CYB561D1: variants seen among roughly 807,000 people sequenced by gnomAD.
CYB561D1 encodes cytochrome b561 family member D1.
CYB561D1 carries 15 observed loss-of-function variants against 19.2 expected under a neutral mutation model. That is an observed-to-expected ratio of 0.78 (90% CI 0.52 to 1.20). CYB561D1 has a LOEUF of 1.20. Ranked by LOEUF, CYB561D1 falls within the 50% of genes most tolerant of loss-of-function variation. The pLI is 0.00. For synonymous variants in CYB561D1, 133 were observed against 120.6 expected (o/e 1.10, Z -0.68); for missense variants, 297 against 287.3 (o/e 1.03, Z -0.24).
At chr1:109,494,646 G>A (rs1657402543) in intron 1 of CYB561D1, 3 of 1,172,058 alleles carry the variant, frequency 2.6e-6, no homozygotes, top group East Asian at 5.5e-5. Context: ...AGACCAGCCT[G>A]GCCAACATGG....
Position 109,498,649 on chromosome 1 carries a change from C to T in CYB561D1, c.*2390C>T, listed in dbSNP as rs549384324. The T allele has an allele frequency of 2.6e-5, 4 of 152,406 alleles. No homozygotes were observed. Among genetic ancestry groups the T allele is most frequent in the African/African-American group, 7.2e-5 (3 of 41,542 alleles). 9.4% of individuals were successfully genotyped at this position (152,406 alleles called of 1,614,324 possible). A position where few individuals can be genotyped will look rare whatever the true frequency, so the allele number is the denominator to read the frequency against. On this transcript the variant is annotated 3_prime_UTR_variant, in exon 3 of 3. Coordinates refer to ENST00000420578, the MANE Select transcript of CYB561D1 (RefSeq NM_182580.3). The stretch of plus-strand genomic sequence containing the variant: ...TCCTCCAGCTGGGATCTCAGTGGCT[C>T]CCAGCTGCATGGGCTCCTGCTTGTG...
chr1:109,497,145 G>C lies in CYB561D1; in HGVS notation c.*886G>C, dbSNP rs909747170. 8 of 152,648 alleles carry C rather than the reference G, an allele frequency of 5.2e-5. No individual in the cohort carries two copies. The highest frequency in any genetic ancestry group is 1.2e-4 in the Non-Finnish European group (8 of 68,050). The allele number at this position is 152,648 out of a possible 1,614,324, so 9.5% of individuals were successfully genotyped here. Reference sequence around the variant, plus strand: ...CTTCCTTCAGCCCACCTCAGGATCCGGGCTTGAGGGCTGCAGGGCCTGCGT... The same window carrying C: ...CTTCCTTCAGCCCACCTCAGGATCCCGGCTTGAGGGCTGCAGGGCCTGCGT... On this transcript the variant is annotated 3_prime_UTR_variant, in exon 3 of 3. Coordinates refer to ENST00000420578, the MANE Select transcript of CYB561D1 (RefSeq NM_182580.3).
intron 1 of CYB561D1, among the ~76,000 whole-genome samples, chr1:109,494,855 AACAACCAAAAAAAACAAAAAAC>A (rs1657425560): frequency 7.3e-6 from 1 of 137,728 alleles, no homozygotes; most frequent in African/African-American, 3.2e-5. Context: ...AACAAAAAAC[AACAACCAAAAAAAACAAAAAAC>A]AAAAAAGGGG....
intron 1 of CYB561D1, 36 bp from the exon 2 acceptor site, chr1:109,495,107 G>C: frequency 6.2e-7 from 1 of 1,612,866 alleles, no homozygotes; most frequent in Non-Finnish European, 8.5e-7. Context: ...AGGAACAATG[G>C]TACCAAGCCC....
chr1:109,494,510 A>G (rs765859841), intron 1 of CYB561D1: 5 of 1,531,678 alleles, frequency 3.3e-6, no homozygotes, highest in Admixed American at 2.0e-5. Flanking sequence ...AGACCGAACT[A>G]CTTCCTCAGA....
chr1:109,495,212 G>T (rs368654090), intron 2 of CYB561D1, 32 bp downstream of exon 2: 2 of 1,612,892 alleles, frequency 1.2e-6, no homozygotes, highest in Non-Finnish European at 1.7e-6. Flanking sequence ...ATTTGTTTGG[G>T]TATTCCTCAC....
chr1:109,497,990 T>A lies in CYB561D1; in HGVS notation c.*1731T>A, dbSNP rs1232501552. ...GTCTCTTTCATTGTCCTCCCTCCTC[T>A]CAAACTCTCCAGTGTGGTGTGAACT... On this transcript the variant is annotated 3_prime_UTR_variant, in exon 3 of 3. Coordinates refer to ENST00000420578, the MANE Select transcript of CYB561D1 (RefSeq NM_182580.3). The A allele has an allele frequency of 6.6e-6, 1 of 152,262 alleles. No individual in the cohort carries two copies. Among genetic ancestry groups the A allele is most frequent in the Non-Finnish European group, 1.5e-5 (1 of 68,070 alleles). 9.4% of individuals were successfully genotyped at this position (152,262 alleles called of 1,614,324 possible).
chr1:109,495,275 C>T, intron 2 of CYB561D1, 95 bp downstream of exon 2: 4 of 1,417,164 alleles, frequency 2.8e-6, no homozygotes, highest in Non-Finnish European at 4.0e-6. Flanking sequence ...CTTTCTAAGG[C>T]TAAGACAGGT....
chr1:109,495,338 C>G (rs1657465071), intron 2 of CYB561D1, among the ~76,000 whole-genome samples, 158 bp downstream of exon 2: 1 of 152,140 alleles, frequency 6.6e-6, no homozygotes, highest in African/African-American at 2.4e-5. Context: ...ATTGGGAAAC[C>G]TGGAGGGCTG....
Position 109,494,260 on chromosome 1 carries a change from C to A in CYB561D1, c.121C>A (p.Leu41Met). ...GGTAGCTTTGGGCTTCACCATCTTTCTGACAGCGCTGTCCCGGCCAGGAAC... is the reference window on the plus strand; with the variant it reads ...GGTAGCTTTGGGCTTCACCATCTTTATGACAGCGCTGTCCCGGCCAGGAAC... Reference protein sequence around the residue: ...HLVALGFTIFLTALSRPGTSL... With the variant: ...HLVALGFTIFMTALSRPGTSL... The change falls in exon 1 of 3, where the codon CTG becomes ATG. Residue 41 changes from leucine (L) to methionine (M), a missense_variant. Transcript: ENST00000420578. 1 of 1,588,234 alleles carries A rather than the reference C, an allele frequency of 6.3e-7. No individual in the cohort carries two copies.
At position 109,494,580 on chromosome 1, in the gene CYB561D1, A is replaced by T. The variant is rs1476425390; in HGVS notation, c.148+293A>T. The T allele has an allele frequency of 7.1e-7, 1 of 1,403,782 alleles. No homozygotes were observed. The highest frequency in any genetic ancestry group is 9.5e-7 in the Non-Finnish European group (1 of 1,054,556). 87.0% of individuals were successfully genotyped at this position (1,403,782 alleles called of 1,614,324 possible). A position where few individuals can be genotyped will look rare whatever the true frequency, so the allele number is the denominator to read the frequency against. ...GGCCGGGCGCGGTGGGTCATGCCTG[A>T]AATCCCAGCACTTTGGGAGGCCGAC... On this transcript the variant is annotated intron_variant, in intron 1 of 2. Transcript: ENST00000420578.
chr1:109,494,210 GAGGC>G lies in CYB561D1; in HGVS notation c.74_77del (p.Gly25ValfsTer8). The G allele has an allele frequency of 6.4e-7, 1 of 1,564,496 alleles. No homozygotes were observed. The highest frequency in any genetic ancestry group is 1.2e-5 in the South Asian group (1 of 84,934). ...CCGAGACTGACCCGCTGGCTGCGGAGAGGCAGTGGGATCTTGGCGCACCTGGTAG... is the reference window on the plus strand; with the variant it reads ...CCGAGACTGACCCGCTGGCTGCGGAGAGTGGGATCTTGGCGCACCTGGTAG... On this transcript the variant is annotated frameshift_variant, in exon 1 of 3. Transcript: ENST00000420578. LOFTEE classifies it high-confidence loss of function.
chr1:109,495,657 T>TAA (rs750388658), intron 2 of CYB561D1, 99 bp from the exon 3 acceptor site: 55 of 1,599,244 alleles, frequency 3.4e-5, no homozygotes, highest in Admixed American at 6.8e-5. Flanking sequence ...ATTTAACCCT[T>TAA]ACCCTTTGTC....
At chr1:109,495,111 CA>C (rs1443081238) in intron 1 of CYB561D1, 31 bp from the exon 2 acceptor site, 2 of 1,613,668 alleles carry the variant, frequency 1.2e-6, no homozygotes, top group East Asian at 4.5e-5. Context: ...ACAATGGTAC[CA>C]AGCCCTCAGC....
chr1:109,496,045 T>G lies in CYB561D1; in HGVS notation c.476T>G (p.Val159Gly). 1 of 1,612,912 alleles carries G rather than the reference T, an allele frequency of 6.2e-7. No individual in the cohort carries two copies. The highest frequency in any genetic ancestry group is 8.5e-7 in the Non-Finnish European group (1 of 1,179,184). Residue 159 changes from valine to glycine, a missense_variant, in exon 3 of 3, where the codon GTG becomes GGG. Transcript: ENST00000420578. Reference protein sequence around the residue: ...LCPRAARVSRVARLKLYHLTC... With the variant: ...LCPRAARVSRGARLKLYHLTC... ...CCCCGGGCAGCCAGGGTCTCAAGGG[T>G]GGCTCGCCTCAAGCTCTACCATCTG...
intron 2 of CYB561D1, 52 bp downstream of exon 2, chr1:109,495,232 C>T (rs1157908017): frequency 1.3e-6 from 2 of 1,595,594 alleles, no homozygotes; most frequent in South Asian, 2.2e-5. Context: ...CCTCATTCTC[C>T]CAGGGAAGCA....
chr1:109,497,157 T>C lies in CYB561D1; in HGVS notation c.*898T>C, dbSNP rs146014252. On this transcript the variant is annotated 3_prime_UTR_variant, in exon 3 of 3. Transcript: ENST00000420578. ...CACCTCAGGATCCGGGCTTGAGGGCTGCAGGGCCTGCGTGCGCTCCCTCCC... is the reference window on the plus strand; with the variant it reads ...CACCTCAGGATCCGGGCTTGAGGGCCGCAGGGCCTGCGTGCGCTCCCTCCC... 304 of 152,816 alleles carry C rather than the reference T, an allele frequency of 2.0e-3. 3 individuals carry two copies. The South Asian group carries it at 0.02, about 10-fold the overall frequency. The allele number at this position is 152,816 out of a possible 1,614,324, so 9.5% of individuals were successfully genotyped here.
intron 1 of CYB561D1, 33 bp downstream of exon 1, chr1:109,494,320 C>T (rs1160596644): frequency 6.4e-7 from 1 of 1,551,116 alleles, no homozygotes. Flanking sequence ...CGGAAGGGGG[C>T]GGAGTGGAGA....
rs1459964917 is a variant in CYB561D1, at chr1:109,498,506, G to A, written c.*2247G>A. 6.6e-6 allele frequency: 1 copy of A among 152,206 alleles called. No individual in the cohort carries two copies. Among genetic ancestry groups the A allele is most frequent in the Non-Finnish European group, 1.5e-5 (1 of 68,122 alleles). 9.4% of individuals were successfully genotyped at this position (152,206 alleles called of 1,614,324 possible). A position where few individuals can be genotyped will look rare whatever the true frequency, so the allele number is the denominator to read the frequency against. The stretch of plus-strand genomic sequence containing the variant: ...CAGGAGGAGCCCTTCATCCTGGCAG[G>A]CCGGATTGTGGAGGGACTTCCCTCC... On this transcript the variant is annotated 3_prime_UTR_variant, in exon 3 of 3. Transcript: ENST00000420578.
Sources: gnomAD v4.1 joint callset for allele counts (sites outside exome capture counted in the v4.1 genomes callset) on GRCh38, gnomAD v4.1.1 for gene constraint, MANE v1.5 for transcripts, NCBI Gene and HGNC (gene_info 2026-07-23, HGNC 2026-07-21) for gene names.